Variants in ROBO2 observed in about 807,000 individuals in gnomAD.
ROBO2 encodes the protein roundabout guidance receptor 2, also known as roundabout homolog 2.
In ROBO2, 53 loss-of-function variants were observed where a neutral mutation model predicts 160.8. The ratio of observed to expected loss-of-function variants is 0.33; its 90% CI spans 0.26 to 0.41. The LOEUF (loss-of-function observed/expected upper bound fraction) is 0.41. Ranked by LOEUF, ROBO2 falls within the 10% of genes least tolerant of loss-of-function variation. The pLI, the probability that ROBO2 is intolerant of heterozygous loss-of-function variation, is 1.00. For synonymous variants in ROBO2, 664 were observed against 611.7 expected, an observed-to-expected ratio of 1.09 and a Z score of -1.26; for missense variants, 1,577 against 1,722.4, an observed-to-expected ratio of 0.92 and a Z score of 1.49.
chr3:76,105,091 A>G (rs1453197283), intron 2 of ROBO2, among the ~76,000 whole-genome samples: 2 of 152,130 alleles, frequency 1.3e-5, no homozygotes, highest in African/African-American at 2.4e-5. Flanking sequence ...TCAGCTTTCA[A>G]ATGGTTACAC....
Position 76,765,302 on chromosome 3 carries a change from G to C in ROBO2, c.110-332712G>C, listed in dbSNP as rs114324055. 8.5e-3 allele frequency among the ~76,000 whole-genome samples: 1,288 copies of C among 151,758 alleles called. 12 individuals carry two copies. The highest frequency in any genetic ancestry group is 0.03 in the African/African-American group (1,225 of 41,482). On this transcript the variant is annotated intron_variant, in intron 2 of 26. Coordinates refer to the ROBO2 transcript ENST00000487694. ...TGAGAACTACATACCTGGTTGTCAA[G>C]GAAAACATGGGAAAAACTTTTCATT... is the stretch of plus-strand genomic sequence containing the variant.
intron 2 of ROBO2, among the ~76,000 whole-genome samples, chr3:76,765,243 C>CT (rs1423401075): frequency 2.0e-5 from 3 of 151,618 alleles, no homozygotes; most frequent in Non-Finnish European, 4.4e-5. Context: ...TACATAACAT[C>CT]TTTTTTATTT....
At chr3:76,936,874 T>C (rs2077736601) in intron 2 of ROBO2, among the ~76,000 whole-genome samples, 1 of 151,874 alleles carries the variant, frequency 6.6e-6, no homozygotes, top group African/African-American at 2.4e-5. Flanking sequence ...TACATTCTTA[T>C]GAAGACATTT....
chr3:75,940,716 C>A (rs1207861749), intron 2 of ROBO2, among the ~76,000 whole-genome samples: 2 of 152,002 alleles, frequency 1.3e-5, no homozygotes, highest in Non-Finnish European at 2.9e-5. Context: ...GTAACTATTA[C>A]AATATATACA....
rs140690779 is a variant in ROBO2 at position 76,940,111 on chromosome 3, A to T, written c.110-157903A>T. ...ATTCTCCTGCCTCAGCCTCCCGAGTAGCTGGGAATACAGGCGCCCGCCACC... is the reference window on the plus strand; with the variant it reads ...ATTCTCCTGCCTCAGCCTCCCGAGTTGCTGGGAATACAGGCGCCCGCCACC... On this transcript the variant is annotated intron_variant, in intron 2 of 26. Transcript: ENST00000487694. 7.7e-3 allele frequency among the ~76,000 whole-genome samples: 1,174 copies of T among 151,488 alleles called. 9 individuals are homozygous for T. The highest frequency in any genetic ancestry group is 0.027 in the African/African-American group (1,109 of 41,152).
At chr3:76,180,453 G>A (rs1701452074) in intron 2 of ROBO2, among the ~76,000 whole-genome samples, 1 of 152,076 alleles carries the variant, frequency 6.6e-6, no homozygotes, top group Non-Finnish European at 1.5e-5. Context: ...CCAAATTTGT[G>A]CTTCCTGAAT....
chr3:77,641,221 C>T (rs543308224), intron 24 of ROBO2, among the ~76,000 whole-genome samples: 2 of 152,214 alleles, frequency 1.3e-5, no homozygotes, highest in East Asian at 3.9e-4. Context: ...CTTTATCCTC[C>T]GAAACAGAGA....
chr3:76,617,253 C>T (rs1185594366), intron 2 of ROBO2, among the ~76,000 whole-genome samples: 1 of 146,956 alleles, frequency 6.8e-6, no homozygotes, highest in Non-Finnish European at 1.5e-5. Context: ...GTTTGACTAA[C>T]CCAAGCCTAG....
At chr3:76,906,130 G>A (rs1470382234) in intron 2 of ROBO2, among the ~76,000 whole-genome samples, 1 of 151,986 alleles carries the variant, frequency 6.6e-6, no homozygotes, top group Non-Finnish European at 1.5e-5. Context: ...ATTATAAAAA[G>A]CCTTTATAAG....
intron 2 of ROBO2, among the ~76,000 whole-genome samples, chr3:76,834,653 A>G (rs1001962692): frequency 6.6e-6 from 1 of 152,146 alleles, no homozygotes; most frequent in Admixed American, 6.6e-5. Context: ...GGCATGAGCC[A>G]TTGCATCTGG....
chr3:76,755,164 T>A (rs267111), intron 2 of ROBO2, among the ~76,000 whole-genome samples: 28,054 of 151,860 alleles, frequency 0.18, 2,752 homozygotes, highest in Non-Finnish European at 0.22. Flanking sequence ...TTTTCCTATG[T>A]AATAAATTCT....
At chr3:76,955,084 G>A (rs2079165614) in intron 2 of ROBO2, among the ~76,000 whole-genome samples, 1 of 152,066 alleles carries the variant, frequency 6.6e-6, no homozygotes, top group South Asian at 2.1e-4. Flanking sequence ...TTACGAATTT[G>A]ACTATTCTAG....
chr3:76,327,186 A>G (rs2073100608), intron 2 of ROBO2, among the ~76,000 whole-genome samples: 1 of 152,154 alleles, frequency 6.6e-6, no homozygotes, highest in Non-Finnish European at 1.5e-5. Context: ...TTGAGTTTAA[A>G]TGACTAATGT....
At chr3:76,427,800 G>A (rs2108988865) in intron 2 of ROBO2, among the ~76,000 whole-genome samples, 1 of 152,192 alleles carries the variant, frequency 6.6e-6, no homozygotes, top group Admixed American at 6.6e-5. Flanking sequence ...TAAATGAGAA[G>A]GCTTCTTTTT....
rs184658889 is a variant in ROBO2 at position 77,357,708 on chromosome 3, C to T, written c.389-119706C>T. ...CTTAAAAGCTTGTAACTCCAAACTT[C>T]CATGTTCTGTAATAAATAGCATTTT... On this transcript the variant is annotated intron_variant, in intron 2 of 25. Transcript: ENST00000461745. 2.5e-3 allele frequency among the ~76,000 whole-genome samples: 384 copies of T among 152,196 alleles called. 1 individual carries two copies. The highest frequency in any genetic ancestry group is 8.8e-3 in the African/African-American group (366 of 41,516).
rs2069655137 is a variant in ROBO2 at position 76,853,545 on chromosome 3, A to G, written c.110-244469A>G. Among the ~76,000 whole-genome samples the G allele has an allele frequency of 2.0e-5, 3 of 152,110 alleles. No individual in the cohort carries two copies. The South Asian group carries it at 6.2e-4, about 32-fold the overall frequency. On this transcript the variant is annotated intron_variant, in intron 2 of 26. Coordinates refer to the ROBO2 transcript ENST00000487694. ...AAGTAAGTTTCCTAAATTTACTGCA[A>G]ATTTGTAGGTGTTTTCATGTATGCA...
intron 2 of ROBO2, among the ~76,000 whole-genome samples, chr3:77,212,975 G>A (rs1274662801): frequency 6.6e-6 from 1 of 152,120 alleles, no homozygotes; most frequent in Admixed American, 6.6e-5. Context: ...GATTCAGTTG[G>A]CCAGTATTTT....
At chr3:77,254,426 C>A (rs2090709029) in intron 2 of ROBO2, among the ~76,000 whole-genome samples, 1 of 149,794 alleles carries the variant, frequency 6.7e-6, no homozygotes. Flanking sequence ...ATATATTAAG[C>A]AATTAAAATA....
At chr3:77,102,615 A>G (rs2072123819) in intron 2 of ROBO2, among the ~76,000 whole-genome samples, 3 of 152,248 alleles carry the variant, frequency 2.0e-5, no homozygotes, top group East Asian at 3.9e-4. Context: ...AATTTCAAAA[A>G]TGTTCGATTC....
Sources: allele counts gnomAD v4.1 joint callset (sites outside exome capture counted in the v4.1 genomes callset), GRCh38; gene constraint gnomAD v4.1.1; transcripts MANE v1.5; gene names NCBI Gene and HGNC (gene_info 2026-07-23, HGNC 2026-07-21).